The following AFF1 variants were observed in gnomAD, a reference collection of about 807,000 sequenced individuals.
AFF1 encodes ALF transcription elongation factor 1.
AFF1 carries 48 observed loss-of-function variants against 121.7 expected under a neutral mutation model. The observed-to-expected ratio is 0.39, with a 90% CI of 0.31 to 0.50. The LOEUF (loss-of-function observed/expected upper bound fraction) is 0.50. Among genes scored for constraint, AFF1 ranks in the 20% least tolerant of loss-of-function variants. The pLI, the probability that AFF1 is intolerant of heterozygous loss-of-function variation, is 0.76. For synonymous variants in AFF1, 613 were observed against 563.0 expected, an observed-to-expected ratio of 1.09 and a Z score of -1.26; for missense variants, 1,523 against 1,511.7, an observed-to-expected ratio of 1.01 and a Z score of -0.12.
In AFF1 at chr4:87,022,582, ATCTATCTATATC is replaced by A. The variant is rs1439012167; in HGVS notation, c.39-23582_39-23571del. Among the ~76,000 whole-genome samples, 300 of 88,352 alleles carry A rather than the reference ATCTATCTATATC, an allele frequency of 3.4e-3. 5 individuals are homozygous for A. The highest frequency in any genetic ancestry group is 0.012 in the East Asian group (36 of 2,950). 58.0% of individuals were successfully genotyped at this position (88,352 alleles called of 152,430 possible). ...TATATATATATATATATATATATAT[ATCTATCTATATC>A]TATCTGTGTGTATATATATCTGTGT... On this transcript the variant is annotated intron_variant, in intron 2 of 20. Coordinates refer to ENST00000395146, the MANE Select transcript of AFF1 (RefSeq NM_001166693.3).
chr4:87,053,808 A>G (rs1307210367), intron 4 of AFF1, among the ~76,000 whole-genome samples: 3 of 152,248 alleles, frequency 2.0e-5, no homozygotes, highest in Non-Finnish European at 2.9e-5. Context: ...AGATCCATGT[A>G]TAAGAAGCTT....
chr4:86,996,407 G>A (rs1201859509), intron 2 of AFF1, among the ~76,000 whole-genome samples: 463 of 134,826 alleles, frequency 3.4e-3, no homozygotes, highest in African/African-American at 6.7e-3. Flanking sequence ...TTGGGATCCT[G>A]TTGATCTGTG....
chr4:87,068,997 G>C (rs1299803214), intron 4 of AFF1, among the ~76,000 whole-genome samples: 1 of 152,198 alleles, frequency 6.6e-6, no homozygotes, highest in Non-Finnish European at 1.5e-5. Context: ...CAGGTGGGGA[G>C]GATGGAGGGT....
In AFF1 at chr4:87,035,795, AT is replaced by A. The variant is rs1452758182; in HGVS notation, c.39-10365del. ...GCTTCATAGATTTAATACCCAAAACATTTTTTAAAAGTTGGGGAATGAATTA... is the reference window on the plus strand; with the variant it reads ...GCTTCATAGATTTAATACCCAAAACATTTTTAAAAGTTGGGGAATGAATTA... On this transcript the variant is annotated intron_variant, in intron 2 of 20. Coordinates refer to ENST00000395146, the MANE Select transcript of AFF1 (RefSeq NM_001166693.3). 1.8e-4 allele frequency among the ~76,000 whole-genome samples: 27 copies of A among 152,216 alleles called. 1 individual carries two copies. Among genetic ancestry groups the A allele is most frequent in the South Asian group, 1.7e-3 (8 of 4,834 alleles).
chr4:87,105,495 C>A, intron 8 of AFF1, 133 bp from the exon 9 acceptor site: 4 of 886,342 alleles, frequency 4.5e-6, no homozygotes, highest in Non-Finnish European at 7.1e-6. Context: ...GAAGTCACAG[C>A]CTTTAATAAA....
chr4:87,072,332 C>G (rs1393243279), intron 4 of AFF1, among the ~76,000 whole-genome samples: 1 of 140,956 alleles, frequency 7.1e-6, no homozygotes, highest in African/African-American at 2.6e-5. Context: ...CACTGCACTC[C>G]AGCCTGGGCA....
intron 2 of AFF1, among the ~76,000 whole-genome samples, chr4:87,034,823 C>T (rs1034682865): frequency 3.3e-5 from 5 of 151,716 alleles, no homozygotes; most frequent in African/African-American, 4.9e-5. Context: ...CACATTTTGT[C>T]GTTAGATAAT....
Position 86,960,399 on chromosome 4 carries a change from C to T in AFF1, c.38+11828C>T, listed in dbSNP as rs564377515. On this transcript the variant is annotated intron_variant, in intron 2 of 20. Coordinates refer to ENST00000395146, the MANE Select transcript of AFF1 (RefSeq NM_001166693.3). ...TCTGAGTGCTGCTCCTCTCAGGAGA[C>T]TGAGGGCTCCTTTACTCCTTTTCCC... 2.6e-5 allele frequency among the ~76,000 whole-genome samples: 4 copies of T among 152,264 alleles called. No homozygotes were observed. The East Asian group carries it at 7.7e-4, about 29-fold the overall frequency.
intron 2 of AFF1, among the ~76,000 whole-genome samples, chr4:87,045,853 T>G (rs1730634450): frequency 6.6e-6 from 1 of 152,174 alleles, no homozygotes; most frequent in South Asian, 2.1e-4. Context: ...TCATTAATCT[T>G]GTCTCAGTTC....
chr4:86,954,686 A>C (rs1721614987), intron 2 of AFF1, among the ~76,000 whole-genome samples: 1 of 152,106 alleles, frequency 6.6e-6, no homozygotes, highest in Non-Finnish European at 1.5e-5. Flanking sequence ...CCAAGATTGC[A>C]CCACTGCACT....
At position 87,043,270 on chromosome 4, in the gene AFF1, AG is replaced by A. The variant is rs539785305; in HGVS notation, c.39-2895del. On this transcript the variant is annotated intron_variant, in intron 2 of 20. Coordinates refer to ENST00000395146, the MANE Select transcript of AFF1 (RefSeq NM_001166693.3). ...GGTGGTGAGAATAGCCAAGCAGACAAGCACATGCCCATGGTAAGCTTTCCCC... is the reference window on the plus strand; with the variant it reads ...GGTGGTGAGAATAGCCAAGCAGACAACACATGCCCATGGTAAGCTTTCCCC... Among the ~76,000 whole-genome samples the A allele has an allele frequency of 2.6e-5, 4 of 152,320 alleles. No homozygotes were observed. In the East Asian group the frequency reaches 5.8e-4, roughly 22 times the overall value.
chr4:86,995,870 C>T (rs546005994), intron 2 of AFF1, among the ~76,000 whole-genome samples: 1,847 of 151,308 alleles, frequency 0.012, 12 homozygotes, highest in Non-Finnish European at 0.02. Flanking sequence ...AAGTGAGGAG[C>T]GTCTCTGCCC....
intron 11 of AFF1, among the ~76,000 whole-genome samples, chr4:87,113,926 CA>C (rs1009267807): frequency 6.6e-6 from 1 of 151,890 alleles, no homozygotes; most frequent in Non-Finnish European, 1.5e-5. Flanking sequence ...AAAAATATGT[CA>C]AAAAAAGGAT....
chr4:87,009,653 A>G (rs553296528), intron 2 of AFF1, among the ~76,000 whole-genome samples: 13 of 152,340 alleles, frequency 8.5e-5, no homozygotes, highest in Non-Finnish European at 1.6e-4. Flanking sequence ...ATGTGGTCCA[A>G]GCTCATTCAG....
chr4:87,137,067 A>C lies in AFF1; in HGVS notation c.*1366A>C, dbSNP rs1729357856. On this transcript the variant is annotated 3_prime_UTR_variant, in exon 21 of 21. Coordinates refer to ENST00000395146, the MANE Select transcript of AFF1 (RefSeq NM_001166693.3). Reference sequence around the variant, plus strand: ...ACACAATCAGAAATCCCATGTGCCCATAAGCACAGATTTTTCTTTTTCATT... The same window carrying C: ...ACACAATCAGAAATCCCATGTGCCCCTAAGCACAGATTTTTCTTTTTCATT... 1 of 224,412 alleles carries C rather than the reference A, an allele frequency of 4.5e-6. No individual in the cohort carries two copies. Among genetic ancestry groups the C allele is most frequent in the Admixed American group, 5.7e-5 (1 of 17,422 alleles). 13.9% of individuals were successfully genotyped at this position (224,412 alleles called of 1,614,324 possible).
intron 2 of AFF1, among the ~76,000 whole-genome samples, chr4:86,990,910 C>T (rs923101909): frequency 2.0e-5 from 3 of 146,878 alleles, no homozygotes; most frequent in East Asian, 2.0e-4. Context: ...CCAGCACTTT[C>T]GGAGGCCGAG....
At chr4:87,088,956 G>C (rs534363476) in intron 5 of AFF1, among the ~76,000 whole-genome samples, 1 of 152,142 alleles carries the variant, frequency 6.6e-6, no homozygotes, top group African/African-American at 2.4e-5. Context: ...TGTTGGTCAG[G>C]CTGGTCTTGA....
intron 2 of AFF1, among the ~76,000 whole-genome samples, chr4:86,968,934 G>A (rs1181861418): frequency 2.6e-5 from 4 of 152,154 alleles, no homozygotes; most frequent in African/African-American, 9.7e-5. Context: ...GGCACAGTGG[G>A]CCCCAGAGTC....
At position 87,027,697 on chromosome 4, in the gene AFF1, C is replaced by G. The variant is rs542791225; in HGVS notation, c.39-18469C>G. Among the ~76,000 whole-genome samples, 10 of 151,472 alleles carry G rather than the reference C, an allele frequency of 6.6e-5. No homozygotes were observed. The South Asian group carries it at 1.9e-3, about 28-fold the overall frequency. On this transcript the variant is annotated intron_variant, in intron 2 of 20. Transcript: ENST00000395146. ...GAATTTCACAGTAAAAAGCCTTATT[C>G]TCAGATTATAAGTACATATTAAATA...
Sources: allele counts gnomAD v4.1 joint callset (sites outside exome capture counted in the v4.1 genomes callset), GRCh38; gene constraint gnomAD v4.1.1; transcripts MANE v1.5; gene names NCBI Gene and HGNC (gene_info 2026-07-23, HGNC 2026-07-21).